The following SLC24A2 variants were observed in gnomAD, a reference collection of about 807,000 sequenced individuals.
SLC24A2 encodes the protein solute carrier family 24 member 2.
In SLC24A2, 36 loss-of-function variants were observed where a neutral mutation model predicts 62.0. The ratio of observed to expected loss-of-function variants is 0.58; its 90% CI spans 0.44 to 0.77. The LOEUF (loss-of-function observed/expected upper bound fraction) is 0.77, where lower values mean the gene tolerates loss of function less well. SLC24A2 is among the 30% of genes least tolerant of loss of function. The probability of loss-of-function intolerance (pLI) is 0.00; values close to 1 mark genes in which losing one functional copy is unlikely to be tolerated. For missense variants in SLC24A2, 846 were observed against 817.9 expected, an observed-to-expected ratio of 1.03 and a Z score of -0.42; for synonymous variants, 358 against 294.0, an observed-to-expected ratio of 1.22 and a Z score of -2.23.
the SLC24A2 span, among the ~76,000 whole-genome samples, chr9:20,138,953 T>C: frequency 6.6e-6 from 1 of 152,194 alleles, no homozygotes; most frequent in Non-Finnish European, 1.5e-5. Context: ...TTCAAAAAGA[T>C]AAAATCTGCC....
intron 2 of SLC24A2, among the ~76,000 whole-genome samples, chr9:19,701,684 A>G (rs7866514): frequency 0.35 from 53,564 of 151,976 alleles, 10,562 homozygotes; most frequent in African/African-American, 0.54. Context: ...GTAGACCCAA[A>G]CTGTGGTCAG....
chr9:19,754,032 C>A (rs1021039815), intron 2 of SLC24A2, among the ~76,000 whole-genome samples: 2 of 152,092 alleles, frequency 1.3e-5, no homozygotes, highest in Non-Finnish European at 2.9e-5. Flanking sequence ...AAAAAGCACA[C>A]TTAAAAAAAA....
chr9:19,769,625 C>G (rs1213440962), intron 2 of SLC24A2, among the ~76,000 whole-genome samples: 1 of 152,212 alleles, frequency 6.6e-6, no homozygotes, highest in Non-Finnish European at 1.5e-5. Context: ...TCTTCCGATG[C>G]TTACTGCCAC....
the SLC24A2 span, among the ~76,000 whole-genome samples, chr9:20,175,214 T>G: frequency 6.6e-6 from 1 of 151,784 alleles, no homozygotes; most frequent in Non-Finnish European, 1.5e-5. Flanking sequence ...AATGATACAA[T>G]GGATTTTGGG....
chr9:19,701,413 A>G (rs6475362), intron 2 of SLC24A2, among the ~76,000 whole-genome samples: 53,333 of 151,744 alleles, frequency 0.35, 10,433 homozygotes, highest in African/African-American at 0.54. Context: ...CTTAGTCCAC[A>G]ACCGGTAGGA....
the SLC24A2 span, among the ~76,000 whole-genome samples, chr9:19,913,067 C>T: frequency 1.3e-5 from 2 of 152,018 alleles, no homozygotes; most frequent in Non-Finnish European, 2.9e-5. Context: ...TTGGCTATTT[C>T]TCTATTTTTC....
At chr9:19,994,779 G>A in the SLC24A2 span, among the ~76,000 whole-genome samples, 1 of 152,154 alleles carries the variant, frequency 6.6e-6, no homozygotes. Context: ...ACAGCACCCT[G>A]AGCTCCTTCC....
chr9:19,839,580 C>G, the SLC24A2 span, among the ~76,000 whole-genome samples: 8 of 151,928 alleles, frequency 5.3e-5, no homozygotes, highest in East Asian at 1.5e-3. Flanking sequence ...AACAGAGGAA[C>G]AATAATTACA....
At chr9:19,664,664 G>GCAA (rs1819198539) in intron 2 of SLC24A2, among the ~76,000 whole-genome samples, 1 of 152,218 alleles carries the variant, frequency 6.6e-6, no homozygotes, top group Non-Finnish European at 1.5e-5. Flanking sequence ...CTGGATCTGG[G>GCAA]TGGGCCTAAA....
At chr9:20,075,169 T>A in the SLC24A2 span, among the ~76,000 whole-genome samples, 1 of 152,218 alleles carries the variant, frequency 6.6e-6, no homozygotes, top group African/African-American at 2.4e-5. Flanking sequence ...TATTAACTGT[T>A]AACAGCAAAG....
chr9:19,765,329 T>C lies in SLC24A2; in HGVS notation c.930+20608A>G, dbSNP rs868606872. Among the ~76,000 whole-genome samples, 25 of 152,338 alleles carry C rather than the reference T, an allele frequency of 1.6e-4. No individual in the cohort carries two copies. The East Asian group carries it at 3.7e-3, about 22-fold the overall frequency. Reference sequence around the variant, plus strand: ...TTAATATTGTTATGTGTGAATCTGATCCTGCCATTATGATGCTAACTGGTT... The same window carrying C: ...TTAATATTGTTATGTGTGAATCTGACCCTGCCATTATGATGCTAACTGGTT... On this transcript the variant is annotated intron_variant, in intron 2 of 10. Transcript: ENST00000341998.
intron 4 of SLC24A2, among the ~76,000 whole-genome samples, chr9:19,611,823 TA>T (rs1161831171): frequency 2.6e-5 from 4 of 152,186 alleles, no homozygotes; most frequent in African/African-American, 9.6e-5. Flanking sequence ...CATTTGACTC[TA>T]ACTGGGCTCT....
chr9:19,792,536 C>CAAAAAAAAAAAAAAAAAAA (rs1165695410), upstream of SLC24A2, among the ~76,000 whole-genome samples: 7 of 74,612 alleles, frequency 9.4e-5, no homozygotes, highest in African/African-American at 1.5e-4. Flanking sequence ...ACTAAAAATA[C>CAAAAAAAAAAAAAAAAAAA]AAAAAAAAAA....
At chr9:19,883,943 C>A in the SLC24A2 span, among the ~76,000 whole-genome samples, 1 of 152,176 alleles carries the variant, frequency 6.6e-6, no homozygotes, top group Admixed American at 6.5e-5. Flanking sequence ...AAAGGTGCTA[C>A]TTATTCTGGA....
intron 8 of SLC24A2, among the ~76,000 whole-genome samples, chr9:19,542,089 G>C (rs988590692): frequency 6.6e-6 from 1 of 152,272 alleles, no homozygotes; most frequent in South Asian, 2.1e-4. Context: ...GCACACACTG[G>C]CCTGCGCCCA....
At chr9:19,708,265 C>G (rs905697054) in intron 2 of SLC24A2, among the ~76,000 whole-genome samples, 16 of 152,106 alleles carry the variant, frequency 1.1e-4, no homozygotes, top group African/African-American at 3.9e-4. Flanking sequence ...AGGATACAAA[C>G]AAATGGAAGA....
chr9:19,695,776 GC>G (rs1374074814), intron 2 of SLC24A2, among the ~76,000 whole-genome samples: 1 of 150,000 alleles, frequency 6.7e-6, no homozygotes, highest in African/African-American at 2.5e-5. Flanking sequence ...TAATTTGAAT[GC>G]CAAAATCACT....
At chr9:19,671,833 C>T (rs2118323576) in intron 2 of SLC24A2, among the ~76,000 whole-genome samples, 1 of 147,924 alleles carries the variant, frequency 6.8e-6, no homozygotes, top group East Asian at 1.9e-4. Flanking sequence ...TTGTTTTTAA[C>T]TCTGTTATGT....
chr9:19,682,062 G>A (rs755430036), intron 2 of SLC24A2, among the ~76,000 whole-genome samples: 5 of 152,038 alleles, frequency 3.3e-5, no homozygotes, highest in Non-Finnish European at 7.4e-5. Flanking sequence ...CATTTCTTAT[G>A]CAGTTCTCTC....
Sources: gnomAD v4.1 joint callset for allele counts (sites outside exome capture counted in the v4.1 genomes callset) on GRCh38, gnomAD v4.1.1 for gene constraint, MANE v1.5 for transcripts, NCBI Gene and HGNC (gene_info 2026-07-23, HGNC 2026-07-21) for gene names.